Variants in WWOX observed in about 807,000 individuals in gnomAD.
WWOX encodes WW domain-containing oxidoreductase.
WWOX carries 69 observed loss-of-function variants against 46.2 expected under a neutral mutation model. That is an observed-to-expected ratio of 1.49 (90% CI 1.23 to 1.82). WWOX has a LOEUF of 1.82. WWOX is among the 40% of genes most tolerant of loss of function. The pLI, the probability that WWOX is intolerant of heterozygous loss-of-function variation, is 0.00. For missense variants in WWOX, 919 were observed against 542.6 expected, an observed-to-expected ratio of 1.69 and a Z score of -6.89; for synonymous variants, 359 against 202.6, an observed-to-expected ratio of 1.77 and a Z score of -6.56.
At chr16:78,874,140 C>T (rs1196924007) in intron 8 of WWOX, among the ~76,000 whole-genome samples, 3 of 151,470 alleles carry the variant, frequency 2.0e-5, no homozygotes, top group South Asian at 2.1e-4. Flanking sequence ...TCTGTAATCC[C>T]AGCTACTCGA....
At chr16:78,690,942 T>C (rs1159763023) in intron 8 of WWOX, among the ~76,000 whole-genome samples, 1 of 152,210 alleles carries the variant, frequency 6.6e-6, no homozygotes, top group Non-Finnish European at 1.5e-5. Flanking sequence ...GTTTCTGTAG[T>C]GTTTATCCAT....
At chr16:78,723,622 CTTTTCTTTT>C (rs2048751765) in intron 8 of WWOX, among the ~76,000 whole-genome samples, 1 of 119,888 alleles carries the variant, frequency 8.3e-6, no homozygotes, top group East Asian at 2.6e-4. Context: ...CTTTTCTTTT[CTTTTCTTTT>C]TTCTTTTCTT....
chr16:78,406,442 G>A (rs557368115), intron 6 of WWOX, among the ~76,000 whole-genome samples: 11 of 138,628 alleles, frequency 7.9e-5, no homozygotes, highest in African/African-American at 2.4e-4. Flanking sequence ...AACCTCCGCC[G>A]CCCGGGTTCA....
intron 8 of WWOX, among the ~76,000 whole-genome samples, chr16:78,593,105 G>A (rs1410848788): frequency 6.6e-6 from 1 of 152,090 alleles, no homozygotes; most frequent in African/African-American, 2.4e-5. Context: ...GAATATTTGG[G>A]ACCCACTGGG....
chr16:78,640,515 C>G (rs747253245), intron 8 of WWOX, among the ~76,000 whole-genome samples: 2 of 151,952 alleles, frequency 1.3e-5, no homozygotes, highest in Non-Finnish European at 2.9e-5. Context: ...GGTTTGCATC[C>G]GAAACAACCA....
chr16:78,846,047 G>C lies in WWOX; in HGVS notation c.1057-365561G>C, dbSNP rs116088175. On this transcript the variant is annotated intron_variant, in intron 8 of 8. Coordinates refer to ENST00000566780, the MANE Select transcript of WWOX (RefSeq NM_016373.4). Reference sequence around the variant, plus strand: ...CACTGCACAGGATGGAAAGCATGGAGTTTGGAATCTGGCACAAGTGGATTT... The same window carrying C: ...CACTGCACAGGATGGAAAGCATGGACTTTGGAATCTGGCACAAGTGGATTT... Among the ~76,000 whole-genome samples, 1,151 of 152,286 alleles carry C rather than the reference G, an allele frequency of 7.6e-3. 15 individuals are homozygous for C. Among genetic ancestry groups the C allele is most frequent in the African/African-American group, 0.022 (927 of 41,550 alleles).
At chr16:78,652,725 TTAGGTTC>T (rs1392362363) in intron 8 of WWOX, among the ~76,000 whole-genome samples, 1 of 152,132 alleles carries the variant, frequency 6.6e-6, no homozygotes, top group East Asian at 1.9e-4. Flanking sequence ...CTTTTCAGAT[TTAGGTTC>T]TTCTGTGATA....
intron 8 of WWOX, among the ~76,000 whole-genome samples, chr16:79,115,334 A>G (rs2049494675): frequency 6.6e-6 from 1 of 152,338 alleles, no homozygotes; most frequent in South Asian, 2.1e-4. Flanking sequence ...TCCAACAAGA[A>G]TTGGAAACAG....
In WWOX at chr16:79,039,633, C is replaced by T. The variant is rs556828320; in HGVS notation, c.1057-171975C>T. On this transcript the variant is annotated intron_variant, in intron 8 of 8. Transcript: ENST00000566780. ...CCTTCCTACCGTAGGCTTCTTGACCCGGCACCTCGGAAAGTAACTCCTGTC... is the reference window on the plus strand; with the variant it reads ...CCTTCCTACCGTAGGCTTCTTGACCTGGCACCTCGGAAAGTAACTCCTGTC... 7.2e-5 allele frequency among the ~76,000 whole-genome samples: 11 copies of T among 152,286 alleles called. No individual in the cohort carries two copies. The East Asian group carries it at 9.7e-4, about 13-fold the overall frequency.
At chr16:78,687,103 A>G (rs552148433) in intron 8 of WWOX, among the ~76,000 whole-genome samples, 5 of 152,044 alleles carry the variant, frequency 3.3e-5, no homozygotes, top group East Asian at 1.9e-4. Flanking sequence ...TTTTTTTCCA[A>G]TGAGAGTACT....
intron 8 of WWOX, among the ~76,000 whole-genome samples, chr16:78,716,797 C>A (rs1020302590): frequency 1.3e-5 from 2 of 152,146 alleles, no homozygotes; most frequent in African/African-American, 2.4e-5. Context: ...CGTGGCCCAG[C>A]ATTGTCTTGG....
At chr16:78,852,708 C>A (rs1386377073) in intron 8 of WWOX, among the ~76,000 whole-genome samples, 1 of 152,162 alleles carries the variant, frequency 6.6e-6, no homozygotes, top group East Asian at 1.9e-4. Flanking sequence ...AATATTAATA[C>A]AGAGCCCATA....
At chr16:78,393,519 G>GT (rs1480317270) in intron 6 of WWOX, among the ~76,000 whole-genome samples, 1 of 152,132 alleles carries the variant, frequency 6.6e-6, no homozygotes, top group Non-Finnish European at 1.5e-5. Flanking sequence ...TTAAAAAACG[G>GT]TTTGTAGGTC....
At chr16:78,389,333 C>A (rs533742233) in intron 6 of WWOX, among the ~76,000 whole-genome samples, 23 of 152,298 alleles carry the variant, frequency 1.5e-4, no homozygotes, top group African/African-American at 5.5e-4. Flanking sequence ...CCTCTAAAGC[C>A]CCAGACATTC....
chr16:78,861,466 A>G (rs965293673), intron 8 of WWOX, among the ~76,000 whole-genome samples: 4 of 152,206 alleles, frequency 2.6e-5, no homozygotes, highest in African/African-American at 9.6e-5. Context: ...ACATGTGGCC[A>G]TTGTTGTTTT....
chr16:79,154,019 A>T (rs574130041), intron 8 of WWOX, among the ~76,000 whole-genome samples: 3 of 152,218 alleles, frequency 2.0e-5, no homozygotes, highest in Non-Finnish European at 2.9e-5. Context: ...AAAAAGGAGC[A>T]AGGCATACTG....
intron 8 of WWOX, among the ~76,000 whole-genome samples, chr16:78,941,091 A>C (rs2045842493): frequency 6.6e-6 from 1 of 152,074 alleles, no homozygotes; most frequent in African/African-American, 2.4e-5. Context: ...TGATTGCCTC[A>C]CATCTTGCAA....
At chr16:78,583,107 G>C (rs1181220926) in intron 8 of WWOX, among the ~76,000 whole-genome samples, 1 of 152,206 alleles carries the variant, frequency 6.6e-6, no homozygotes, top group Non-Finnish European at 1.5e-5. Flanking sequence ...TAGGAGAAGT[G>C]AATCTTTTGT....
chr16:78,545,478 G>A (rs540943368), intron 8 of WWOX, among the ~76,000 whole-genome samples: 1 of 152,160 alleles, frequency 6.6e-6, no homozygotes, highest in South Asian at 2.1e-4. Flanking sequence ...TTAGTCTCCT[G>A]AGTAGCTGGG....
Sources: allele counts gnomAD v4.1 joint callset (sites outside exome capture counted in the v4.1 genomes callset), GRCh38; gene constraint gnomAD v4.1.1; transcripts MANE v1.5; gene names NCBI Gene and HGNC (gene_info 2026-07-23, HGNC 2026-07-21).